FAM13C: variants seen among roughly 807,000 people sequenced by gnomAD.
FAM13C encodes the protein protein FAM13C.
In FAM13C, 37 loss-of-function variants were observed where a neutral mutation model predicts 73.2. That is an observed-to-expected ratio of 0.51 (90% CI 0.39 to 0.67). The LOEUF is 0.67. FAM13C is among the 30% of genes least tolerant of loss of function. FAM13C has a pLI of 0.00. For missense variants in FAM13C, 589 were observed against 715.6 expected (o/e 0.82, Z 2.02); for synonymous variants, 246 against 260.9 (o/e 0.94, Z 0.55).
intron 3 of FAM13C, among the ~76,000 whole-genome samples, chr10:59,351,228 G>A (rs1472574929): frequency 6.6e-6 from 1 of 151,632 alleles, no homozygotes; most frequent in Non-Finnish European, 1.5e-5. Context: ...GCTAATAGGG[G>A]AGGCTGAGGT....
intron 9 of FAM13C, chr10:59,263,753 T>C: frequency 3.3e-6 from 1 of 300,954 alleles, no homozygotes; most frequent in Non-Finnish European, 6.5e-6. Flanking sequence ...GTGGAGTAAA[T>C]GATTTCTCAG....
intron 5 of FAM13C, among the ~76,000 whole-genome samples, chr10:59,287,193 C>T (rs1415438288): frequency 2.0e-5 from 3 of 150,720 alleles, no homozygotes; most frequent in South Asian, 2.1e-4. Context: ...AAAAATTAGC[C>T]GGGCATGGTT....
At chr10:59,255,440 T>C (rs773200323) in intron 10 of FAM13C, among the ~76,000 whole-genome samples, 2 of 152,166 alleles carry the variant, frequency 1.3e-5, no homozygotes, top group Non-Finnish European at 2.9e-5. Context: ...TCTGTCTATG[T>C]ATCTGCCTAT....
chr10:59,256,274 C>T (rs1410958221), intron 10 of FAM13C, among the ~76,000 whole-genome samples: 5 of 152,142 alleles, frequency 3.3e-5, no homozygotes, highest in African/African-American at 1.2e-4. Flanking sequence ...CTGGGACTTA[C>T]AATTCATAGA....
intron 3 of FAM13C, among the ~76,000 whole-genome samples, chr10:59,350,974 A>G (rs1854958499): frequency 6.6e-6 from 1 of 152,242 alleles, no homozygotes; most frequent in African/African-American, 2.4e-5. Flanking sequence ...CATTACACGT[A>G]AAATCTCAAC....
intron 3 of FAM13C, among the ~76,000 whole-genome samples, chr10:59,327,150 C>T (rs1050719146): frequency 1.3e-5 from 2 of 151,912 alleles, no homozygotes; most frequent in East Asian, 1.9e-4. Flanking sequence ...CAAGACGTCC[C>T]GACCCAAGTA....
Position 59,352,761 on chromosome 10 carries a change from A to G in FAM13C, c.120-287T>C, listed in dbSNP as rs187586816. ...ATTTTTCTAATTTTCACTTTAAGAA[A>G]CTTTCACATATATCATATTTCCCTC... is the stretch of plus-strand genomic sequence containing the variant. On this transcript the variant is annotated intron_variant, in intron 2 of 13. Transcript: ENST00000618804. 6.0e-3 allele frequency among the ~76,000 whole-genome samples: 909 copies of G among 152,306 alleles called. 9 individuals are homozygous for G. The highest frequency in any genetic ancestry group is 0.021 in the African/African-American group (877 of 41,566).
intron 2 of FAM13C, among the ~76,000 whole-genome samples, chr10:59,354,994 C>A (rs2134281973): frequency 6.7e-6 from 1 of 148,766 alleles, no homozygotes; most frequent in African/African-American, 2.6e-5. Flanking sequence ...TTGGACCTCA[C>A]CAATAATAAT....
At chr10:59,361,677 A>G (rs1000364749) in intron 1 of FAM13C, among the ~76,000 whole-genome samples, 1 of 152,154 alleles carries the variant, frequency 6.6e-6, no homozygotes, top group Non-Finnish European at 1.5e-5. Context: ...TTTAACAAAT[A>G]TAGTATAATA....
At chr10:59,278,651 G>A (rs183288728) in intron 6 of FAM13C, among the ~76,000 whole-genome samples, 7 of 152,102 alleles carry the variant, frequency 4.6e-5, no homozygotes, top group Admixed American at 4.6e-4. Context: ...AAATGTCCTC[G>A]AGGGCGGCAA....
At chr10:59,320,373 G>A (rs1419435300) in intron 4 of FAM13C, among the ~76,000 whole-genome samples, 1 of 152,186 alleles carries the variant, frequency 6.6e-6, no homozygotes, top group Admixed American at 6.5e-5. Context: ...ATAATATAGG[G>A]AAGGGTGGGG....
At chr10:59,308,564 A>ACCAGC (rs1848534685) in intron 4 of FAM13C, among the ~76,000 whole-genome samples, 2 of 71,316 alleles carry the variant, frequency 2.8e-5, no homozygotes, top group African/African-American at 8.7e-5. Context: ...CAGCACCACC[A>ACCAGC]ACCACCATCA....
rs149401286 is a variant in FAM13C, at chr10:59,316,864, A to G, written c.443+7124T>C. ...TGATATGGAAAAGAGAATATTAAGC[A>G]GGACAAACAAGTTACATAGCAATGT... On this transcript the variant is annotated intron_variant, in intron 4 of 13. Coordinates refer to ENST00000618804, the MANE Select transcript of FAM13C (RefSeq NM_198215.4). Among the ~76,000 whole-genome samples the G allele has an allele frequency of 2.9e-3, 444 of 152,320 alleles. 5 individuals are homozygous for G. Among genetic ancestry groups the G allele is most frequent in the African/African-American group, 0.01 (416 of 41,572 alleles).
intron 4 of FAM13C, among the ~76,000 whole-genome samples, chr10:59,316,077 G>A (rs113246552): frequency 0.06 from 9,144 of 152,078 alleles, 825 homozygotes; most frequent in African/African-American, 0.2. Flanking sequence ...TTACAGGTGT[G>A]TGCCACCGTG....
intron 3 of FAM13C, among the ~76,000 whole-genome samples, chr10:59,338,699 C>T (rs1452147462): frequency 6.6e-6 from 1 of 152,164 alleles, no homozygotes; most frequent in Non-Finnish European, 1.5e-5. Flanking sequence ...CCACTCCATA[C>T]CATTGTGTAG....
chr10:59,291,785 C>CTTT (rs3078288), intron 5 of FAM13C, among the ~76,000 whole-genome samples: 5 of 72,760 alleles, frequency 6.9e-5, no homozygotes, highest in African/African-American at 1.5e-4. Context: ...TATAAACTCC[C>CTTT]TTTTTTTTTT....
chr10:59,301,778 TG>T (rs1434091449), intron 5 of FAM13C, among the ~76,000 whole-genome samples: 1 of 152,244 alleles, frequency 6.6e-6, no homozygotes, highest in Admixed American at 6.5e-5. Context: ...GGAGCCTGTC[TG>T]TATGCACACA....
chr10:59,362,530 G>T lies in FAM13C; in HGVS notation c.-70C>A. 6.3e-7 allele frequency: 1 copy of T among 1,582,566 alleles called. No individual in the cohort carries two copies. Among genetic ancestry groups the T allele is most frequent in the African/African-American group, 1.3e-5 (1 of 74,624 alleles). ...GAGTTAGAGCACATACACAAACATG[G>T]CATTGCAAGGCAAGTCTCCGGGCTC... On this transcript the variant is annotated 5_prime_UTR_variant, in exon 1 of 14. Transcript: ENST00000618804.
chr10:59,338,586 C>T (rs1376450000), intron 3 of FAM13C, among the ~76,000 whole-genome samples: 1 of 152,200 alleles, frequency 6.6e-6, no homozygotes, highest in Non-Finnish European at 1.5e-5. Context: ...TATGTTCTAC[C>T]TGGTTACCAG....
Sources: allele counts gnomAD v4.1 joint callset (sites outside exome capture counted in the v4.1 genomes callset), GRCh38; gene constraint gnomAD v4.1.1; transcripts MANE v1.5; gene names NCBI Gene and HGNC (gene_info 2026-07-23, HGNC 2026-07-21).